Variants in RBFOX1 observed in about 807,000 individuals in gnomAD.
RBFOX1 encodes the protein RNA binding protein fox-1 homolog 1.
A neutral mutation model predicts 57.7 loss-of-function variants in RBFOX1; 8 were observed. The observed-to-expected ratio is 0.14, with a 90% CI of 0.08 to 0.25. The LOEUF is 0.25. Ranked by LOEUF, RBFOX1 falls within the 10% of genes least tolerant of loss-of-function variation. The pLI, the probability that RBFOX1 is intolerant of heterozygous loss-of-function variation, is 1.00. For synonymous variants in RBFOX1, 326 were observed against 222.4 expected, an observed-to-expected ratio of 1.47 and a Z score of -4.15; for missense variants, 611 against 548.5, an observed-to-expected ratio of 1.11 and a Z score of -1.14.
intron 3 of RBFOX1, among the ~76,000 whole-genome samples, chr16:6,936,950 G>T (rs1258995802): frequency 5.4e-5 from 6 of 111,246 alleles, no homozygotes; most frequent in Non-Finnish European, 1.0e-4. Flanking sequence ...TGTGGGGTGG[G>T]GGGAGGGGGG....
intron 3 of RBFOX1, among the ~76,000 whole-genome samples, chr16:6,868,030 A>G (rs1232996214): frequency 6.6e-6 from 1 of 152,136 alleles, no homozygotes; most frequent in Non-Finnish European, 1.5e-5. Flanking sequence ...CAGTTAACTT[A>G]TTTGCGAAAT....
chr16:6,895,310 C>T (rs183406560), intron 3 of RBFOX1, among the ~76,000 whole-genome samples: 138 of 151,350 alleles, frequency 9.1e-4, no homozygotes, highest in Non-Finnish European at 1.5e-3. Flanking sequence ...ATATATAAAA[C>T]TGGTTCCATT....
At chr16:6,879,857 A>T (rs1022949150) in intron 3 of RBFOX1, among the ~76,000 whole-genome samples, 1 of 152,206 alleles carries the variant, frequency 6.6e-6, no homozygotes, top group Non-Finnish European at 1.5e-5. Flanking sequence ...GACATTTTGA[A>T]TTATCTCATA....
chr16:7,252,926 G>T lies in RBFOX1; in HGVS notation c.27+200828G>T, dbSNP rs527541400. The stretch of plus-strand genomic sequence containing the variant: ...TCTTAGAGCCTCCAAAAATGCATGT[G>T]TGTAATCACACACATTTTGTAAATT... On this transcript the variant is annotated intron_variant, in intron 4 of 15. Coordinates refer to ENST00000550418, the MANE Select transcript of RBFOX1 (RefSeq NM_018723.4). Among the ~76,000 whole-genome samples the T allele has an allele frequency of 5.3e-5, 8 of 152,238 alleles. 1 individual carries two copies. The East Asian group carries it at 1.5e-3, about 29-fold the overall frequency.
intron 3 of RBFOX1, among the ~76,000 whole-genome samples, chr16:6,964,717 G>A (rs1017509735): frequency 6.6e-5 from 10 of 152,176 alleles, no homozygotes; most frequent in Non-Finnish European, 1.0e-4. Flanking sequence ...CTCTGATGAG[G>A]TAAGGTCCGG....
chr16:6,879,566 T>G (rs2062505520), intron 3 of RBFOX1, among the ~76,000 whole-genome samples: 1 of 152,240 alleles, frequency 6.6e-6, no homozygotes. Context: ...AGATTCAACA[T>G]AAGTTTCCAT....
rs1567313840 is a variant in RBFOX1, at chr16:6,454,883, T to TGTTG, written c.-64+137826_-64+137827insGTTG. On this transcript the variant is annotated intron_variant, in intron 2 of 15. Transcript: ENST00000550418. ...AGGTTTTTTTTTTTTTTTTTTTTTT[T>TGTTG]TTTTTTTTTTTTTTTTTTGAGTTGG... Among the ~76,000 whole-genome samples, 6 of 27,060 alleles carry TGTTG rather than the reference T, an allele frequency of 2.2e-4. 1 individual carries two copies. Among genetic ancestry groups the TGTTG allele is most frequent in the Non-Finnish European group, 3.2e-4 (4 of 12,374 alleles). The allele number at this position is 27,060 out of a possible 152,430, so 17.8% of individuals were successfully genotyped here.
intron 4 of RBFOX1, among the ~76,000 whole-genome samples, chr16:7,185,485 A>G (rs2083537834): frequency 2.6e-5 from 4 of 152,206 alleles, no homozygotes; most frequent in Admixed American, 2.6e-4. Context: ...TAGTGCCTCC[A>G]GTGATATTGC....
chr16:7,474,533 A>G (rs2062230150), intron 4 of RBFOX1, among the ~76,000 whole-genome samples: 1 of 152,208 alleles, frequency 6.6e-6, no homozygotes, highest in African/African-American at 2.4e-5. Flanking sequence ...GGTTGGTGCA[A>G]AAGCAATTAC....
intron 3 of RBFOX1, among the ~76,000 whole-genome samples, chr16:6,741,489 C>T (rs1057444374): frequency 3.6e-4 from 55 of 151,928 alleles, no homozygotes; most frequent in African/African-American, 1.2e-3. Flanking sequence ...CATGGCGAAA[C>T]CCTGTCTGTA....
intron 4 of RBFOX1, among the ~76,000 whole-genome samples, chr16:7,135,631 G>A (rs1365500964): frequency 6.6e-6 from 1 of 152,224 alleles, no homozygotes; most frequent in Non-Finnish European, 1.5e-5. Context: ...TTTAATTGCC[G>A]CTGTTCGCGG....
At chr16:5,451,053 G>A (rs1597116778) in intron 1 of RBFOX1, among the ~76,000 whole-genome samples, 1 of 152,170 alleles carries the variant, frequency 6.6e-6, no homozygotes, top group Non-Finnish European at 1.5e-5. Context: ...GTACAGAGTG[G>A]GCACTCGAGG....
At position 7,653,977 on chromosome 16, in the gene RBFOX1, C is replaced by G. The variant is rs1263681407; in HGVS notation, c.890+30C>G. On this transcript the variant is annotated intron_variant, in intron 12 of 15. Coordinates refer to ENST00000550418, the MANE Select transcript of RBFOX1 (RefSeq NM_018723.4). The stretch of plus-strand genomic sequence containing the variant: ...GTGGGGCAGCCTCCTGGGTGGGCCT[C>G]CCTGCACCAGCCCTCCCTCCCCAGA... 4 of 1,464,340 alleles carry G rather than the reference C, an allele frequency of 2.7e-6. No individual in the cohort carries two copies. The African/African-American group carries it at 4.3e-5, about 16-fold the overall frequency. The allele number at this position is 1,464,340 out of a possible 1,614,324, so 90.7% of individuals were successfully genotyped here.
At chr16:7,662,597 G>A (rs1204928406) in intron 12 of RBFOX1, among the ~76,000 whole-genome samples, 1 of 152,186 alleles carries the variant, frequency 6.6e-6, no homozygotes, top group Non-Finnish European at 1.5e-5. Flanking sequence ...AGCTTTTAAG[G>A]TGCAACGAGT....
intron 1 of RBFOX1, among the ~76,000 whole-genome samples, chr16:6,189,964 A>G (rs1192506804): frequency 6.6e-6 from 1 of 152,172 alleles, no homozygotes; most frequent in Admixed American, 6.5e-5. Flanking sequence ...ATTTTCCCCA[A>G]TGTTTTCTTG....
chr16:7,701,506 T>TC (rs2080722929), intron 14 of RBFOX1, among the ~76,000 whole-genome samples: 1 of 151,982 alleles, frequency 6.6e-6, no homozygotes, highest in Non-Finnish European at 1.5e-5. Context: ...AGTGGAACAG[T>TC]TTTTTTTCCT....
chr16:7,094,777 G>T lies in RBFOX1; in HGVS notation c.27+42679G>T, dbSNP rs3046759. Among the ~76,000 whole-genome samples, 384 of 53,520 alleles carry T rather than the reference G, an allele frequency of 7.2e-3. 3 individuals are homozygous for T. The highest frequency in any genetic ancestry group is 0.013 in the South Asian group (20 of 1,502). 35.1% of individuals were successfully genotyped at this position (53,520 alleles called of 152,430 possible). A position where few individuals can be genotyped will look rare whatever the true frequency, so the allele number is the denominator to read the frequency against. ...GTGTGTGTGTGTGTGTGTGTGTGTGGGTGTGTGTGTGTGTTGAGAGAGAGA... is the reference window on the plus strand; with the variant it reads ...GTGTGTGTGTGTGTGTGTGTGTGTGTGTGTGTGTGTGTGTTGAGAGAGAGA... On this transcript the variant is annotated intron_variant, in intron 4 of 15. Transcript: ENST00000550418.
intron 1 of RBFOX1, among the ~76,000 whole-genome samples, chr16:5,343,298 GTTTTTTTTT>G (rs33934959): frequency 0.033 from 3,599 of 109,988 alleles, 172 homozygotes; most frequent in African/African-American, 0.11. Flanking sequence ...CTTCTTTGAA[GTTTTTTTTT>G]TTTTTTTTTT....
At chr16:5,548,174 A>AATATATATATATATATATATATAT (rs71142629) in intron 2 of RBFOX1, among the ~76,000 whole-genome samples, 8 of 33,560 alleles carry the variant, frequency 2.4e-4, no homozygotes, top group Non-Finnish European at 5.0e-4. Context: ...AAAAAAAAAA[A>AATATATATATATATATATATATAT]ATATATATAT....
Sources: gnomAD v4.1 joint callset for allele counts (sites outside exome capture counted in the v4.1 genomes callset) on GRCh38, gnomAD v4.1.1 for gene constraint, MANE v1.5 for transcripts, NCBI Gene and HGNC (gene_info 2026-07-23, HGNC 2026-07-21) for gene names.